Variants in PDE4A observed in about 807,000 individuals in gnomAD.
The protein encoded by PDE4A is 3',5'-cyclic-AMP phosphodiesterase 4A.
A neutral mutation model predicts 73.9 loss-of-function variants in PDE4A; 21 were observed. The observed-to-expected ratio is 0.28, with a 90% CI of 0.20 to 0.41. The LOEUF (loss-of-function observed/expected upper bound fraction) is 0.41, where lower values mean the gene tolerates loss of function less well. Ranked by LOEUF, PDE4A falls within the 10% of genes least tolerant of loss-of-function variation. The pLI, the probability that PDE4A is intolerant of heterozygous loss-of-function variation, is 1.00. For synonymous variants in PDE4A, 463 were observed against 505.4 expected (o/e 0.92, Z 1.13); for missense variants, 958 against 1,211.4 (o/e 0.79, Z 3.10).
chr19:10,420,669 C>T lies in PDE4A; in HGVS notation c.-96C>T. On this transcript the variant is annotated 5_prime_UTR_variant, in exon 1 of 15. Transcript: ENST00000380702. The surrounding 1 kb of genome is among the most constrained non-coding windows in gnomAD (Gnocchi z 6.0). ...CATGGCCCTACCGCGGCCGGGCGCA[C>T]CCGCGGGGCCCTGGGCTCGCTGGCT... 1 of 1,367,252 alleles carries T rather than the reference C, an allele frequency of 7.3e-7. No individual in the cohort carries two copies. Among genetic ancestry groups the T allele is most frequent in the South Asian group, 1.7e-5 (1 of 58,306 alleles). The allele number at this position is 1,367,252 out of a possible 1,614,324, so 84.7% of individuals were successfully genotyped here.
At chr19:10,421,897 G>A (rs1171856540) in intron 1 of PDE4A, among the ~76,000 whole-genome samples, 1 of 152,196 alleles carries the variant, frequency 6.6e-6, no homozygotes, top group African/African-American at 2.4e-5. Flanking sequence ...TACCTCAGTT[G>A]TGTGCTCTGT....
upstream of PDE4A, chr19:10,420,124 A>G (rs146386312): frequency 1.8e-3 from 267 of 152,512 alleles, no homozygotes; most frequent in Non-Finnish European, 2.8e-3. The surrounding 1 kb of genome is among the most constrained non-coding windows in gnomAD (Gnocchi z 6.0). Context: ...CGCCGGTGGC[A>G]CTAGGACCAC....
At chr19:10,420,470 G>A (rs1221074970), upstream of PDE4A, 1 of 825,298 alleles carries the variant, frequency 1.2e-6, no homozygotes, top group African/African-American at 1.8e-5. This position sits in a 1 kb window ranked among gnomAD's most constrained non-coding sequence, Gnocchi z 6.0. Context: ...GCGGGGAGGG[G>A]CGGGACGGGG....
intron 1 of PDE4A, among the ~76,000 whole-genome samples, chr19:10,440,635 G>A (rs932416906): frequency 2.0e-5 from 3 of 152,078 alleles, no homozygotes; most frequent in Admixed American, 2.0e-4. Flanking sequence ...GTCTCGCTCT[G>A]TCATCCAGGC....
At chr19:10,450,977 A>C (rs751487042) in intron 6 of PDE4A, 36 bp downstream of exon 6, 4 of 1,258,816 alleles carry the variant, frequency 3.2e-6, no homozygotes, top group East Asian at 2.7e-5. Context: ...TGGGCGGGGC[A>C]GGCGGGGGCG....
At chr19:10,429,145 A>AGAAAG (rs375167574) in intron 1 of PDE4A, among the ~76,000 whole-genome samples, 270 of 151,006 alleles carry the variant, frequency 1.8e-3, no homozygotes, top group African/African-American at 5.7e-3. Context: ...GGGAGGAAGG[A>AGAAAG]GAAAGGAAAG....
chr19:10,433,726 C>A (rs1164339182), intron 1 of PDE4A, among the ~76,000 whole-genome samples: 1 of 152,236 alleles, frequency 6.6e-6, no homozygotes, highest in African/African-American at 2.4e-5. Context: ...ACGCGCCTGC[C>A]TGGGAGACAC....
intron 1 of PDE4A, among the ~76,000 whole-genome samples, chr19:10,422,233 C>T (rs1338186372): frequency 6.6e-6 from 1 of 152,130 alleles, no homozygotes; most frequent in Non-Finnish European, 1.5e-5. Context: ...GGTGTTTACA[C>T]TTGGGGAACA....
upstream of PDE4A, chr19:10,417,694 A>G: frequency 6.3e-7 from 1 of 1,595,688 alleles, no homozygotes; most frequent in Non-Finnish European, 8.5e-7. Flanking sequence ...GACCGTGCCA[A>G]CATGCTGGGG....
At chr19:10,461,453 G>C (rs1166319101) in intron 11 of PDE4A, 73 bp from the exon 12 acceptor site, 1 of 1,578,142 alleles carries the variant, frequency 6.3e-7, no homozygotes, top group Non-Finnish European at 8.6e-7. Context: ...TAGCTAGTTG[G>C]GGGCGGAGCT....
chr19:10,447,879 C>T (rs1475944297), intron 2 of PDE4A, among the ~76,000 whole-genome samples: 3 of 152,110 alleles, frequency 2.0e-5, no homozygotes, highest in Non-Finnish European at 4.4e-5. Flanking sequence ...CAGGCCTTTC[C>T]ACCAGCCATT....
Position 10,465,440 on chromosome 19 carries a change from G to C in PDE4A, c.1927-1447G>C, listed in dbSNP as rs1438746126. Among the ~76,000 whole-genome samples the C allele has an allele frequency of 5.3e-5, 8 of 151,526 alleles. No individual in the cohort carries two copies. The South Asian group carries it at 1.7e-3, about 32-fold the overall frequency. On this transcript the variant is annotated intron_variant, in intron 14 of 14. Coordinates refer to ENST00000380702, the MANE Select transcript of PDE4A (RefSeq NM_001111307.2). The stretch of plus-strand genomic sequence containing the variant: ...TCTCCATGTTGGTCAGGCTGGTCTC[G>C]AACTCCCGACCTCAGGTGATCCGCC...
Position 10,463,843 on chromosome 19 carries a change from G to A in PDE4A, c.1794G>A (p.Pro598=), listed in dbSNP as rs753024205. The part of the protein sequence containing the change: ...HCADLSNPTK[P]LELYRQWTDR... ...CCGACCTCAGCAACCCCACCAAGCC[G>A]CTGGAGCTGTACCGCCAGTGGACAG... Residue 598 remains proline (P), a synonymous_variant, in exon 14 of 15, where the codon CCG becomes CCA. Transcript: ENST00000380702. 1.1e-5 allele frequency: 18 copies of A among 1,614,014 alleles called. No homozygotes were observed. Among genetic ancestry groups the A allele is most frequent in the East Asian group, 6.7e-5 (3 of 44,896 alleles).
At chr19:10,460,535 C>T (rs2043246894) in intron 10 of PDE4A, among the ~76,000 whole-genome samples, 1 of 151,528 alleles carries the variant, frequency 6.6e-6, no homozygotes, top group African/African-American at 2.4e-5. Context: ...GGGCTAGGCA[C>T]GGTGGCTCAC....
At chr19:10,417,099 C>A, upstream of PDE4A, 1 of 1,463,550 alleles carries the variant, frequency 6.8e-7, no homozygotes, top group Non-Finnish European at 9.0e-7. Context: ...TACCTCCAAG[C>A]TGTGAGGAGT....
At chr19:10,429,396 G>C (rs929254887) in intron 1 of PDE4A, among the ~76,000 whole-genome samples, 3 of 151,984 alleles carry the variant, frequency 2.0e-5, no homozygotes, top group Non-Finnish European at 2.9e-5. Context: ...ATGGTTTAGT[G>C]GCACCTTCAT....
chr19:10,436,394 A>G lies in PDE4A; in HGVS notation c.321-9824A>G, dbSNP rs144897823. Among the ~76,000 whole-genome samples the G allele has an allele frequency of 8.3e-4, 127 of 152,152 alleles. 2 individuals carry two copies. In the East Asian group the frequency reaches 0.023, roughly 28 times the overall value. ...AACATGGAGAAACCCCGTCTCTACT[A>G]AAAATACAAAATTAGCCGGGCATGG... On this transcript the variant is annotated intron_variant, in intron 1 of 14. Transcript: ENST00000380702.
Position 10,420,885 on chromosome 19 carries a change from A to T in PDE4A, c.121A>T (p.Ile41Phe). 7 of 1,589,552 alleles carry T rather than the reference A, an allele frequency of 4.4e-6. No homozygotes were observed. The highest frequency in any genetic ancestry group is 6.0e-6 in the Non-Finnish European group (7 of 1,176,098). Residue 41 changes from isoleucine to phenylalanine, a missense_variant, in exon 1 of 15, where the codon ATC (isoleucine) becomes TTC (phenylalanine). This residue lies in a region of PDE4A where 145 missense variants were observed against 137.8 expected (regional missense o/e 1.05). Coordinates refer to ENST00000380702, the MANE Select transcript of PDE4A (RefSeq NM_001111307.2). This position sits in a 1 kb window ranked among gnomAD's most constrained non-coding sequence, Gnocchi z 6.0. ...CCTGTGGCGGCAGCCTCGGACCCCC[A>T]TCCGTATCCAGCAGCGCGGCTACTC... ...QHLWRQPRTPIRIQQRGYSDS... is the reference protein window; with the variant it reads ...QHLWRQPRTPFRIQQRGYSDS...
chr19:10,439,943 C>G (rs1440489993), intron 1 of PDE4A, among the ~76,000 whole-genome samples: 1 of 151,398 alleles, frequency 6.6e-6, no homozygotes, highest in Non-Finnish European at 1.5e-5. Context: ...AGTAAAAGGC[C>G]CTTCAGGAAC....
Sources: gnomAD v4.1 joint callset for allele counts (sites outside exome capture counted in the v4.1 genomes callset) on GRCh38, gnomAD v4.1.1 for gene constraint, gnomAD v4.1.1 regional missense constraint, Gnocchi (gnomAD v3.1) non-coding constraint, MANE v1.5 for transcripts, NCBI Gene and HGNC (gene_info 2026-07-23, HGNC 2026-07-21) for gene names.